SUMF2: variants seen among roughly 807,000 people sequenced by gnomAD.
SUMF2 encodes sulfatase modifying factor 2.
Under a neutral mutation model 44.8 loss-of-function variants are expected in SUMF2, and 45 were observed. That is an observed-to-expected ratio of 1.00 (90% confidence interval 0.79 to 1.29). The LOEUF is 1.29. Ranked by LOEUF, SUMF2 falls within the 50% of genes most tolerant of loss-of-function variation. SUMF2 has a pLI of 0.00. For synonymous variants in SUMF2, 148 were observed against 150.4 expected (o/e 0.98, Z 0.12); for missense variants, 418 against 389.9 (o/e 1.07, Z -0.61).
chr7:56,079,109 A>G, intron 8 of SUMF2: 4 of 487,614 alleles, frequency 8.2e-6, no homozygotes, highest in Non-Finnish European at 1.1e-5. Context: ...CCTGGACTCA[A>G]GCAATCAGCC....
intron 2 of SUMF2, among the ~76,000 whole-genome samples, chr7:56,069,375 T>C (rs1413653654): frequency 2.0e-5 from 3 of 151,742 alleles, no homozygotes; most frequent in Non-Finnish European, 4.4e-5. Flanking sequence ...GAGGCCGAGG[T>C]GGGAGGATTG....
downstream of SUMF2, among the ~76,000 whole-genome samples, chr7:56,082,527 A>G (rs1796056613): frequency 6.6e-6 from 1 of 151,860 alleles, no homozygotes; most frequent in African/African-American, 2.4e-5. Flanking sequence ...TGGGAGGTGG[A>G]GTTTGCAGTG....
chr7:56,083,186 A>AAT, downstream of SUMF2: 1 of 1,109,054 alleles, frequency 9.0e-7, no homozygotes, highest in Non-Finnish European at 1.3e-6. Flanking sequence ...GGGAACAATT[A>AAT]AGTTAGGGGA....
At chr7:56,064,552 CTTG>C (rs1023086879) in intron 1 of SUMF2, among the ~76,000 whole-genome samples, 174 bp downstream of exon 1, 3 of 152,086 alleles carry the variant, frequency 2.0e-5, no homozygotes, top group Admixed American at 6.6e-5. Flanking sequence ...TTTTCAACTT[CTTG>C]TTGTGGAATC....
chr7:56,074,865 G>T, intron 5 of SUMF2, 129 bp downstream of exon 5: 1 of 1,209,998 alleles, frequency 8.3e-7, no homozygotes, highest in Admixed American at 2.3e-5. Context: ...TGGGAGGCTG[G>T]GGCAGGAGGA....
chr7:56,068,786 T>C, intron 2 of SUMF2, 148 bp downstream of exon 2: 1 of 865,698 alleles, frequency 1.2e-6, no homozygotes, highest in African/African-American at 1.8e-5. Context: ...CACTGCAACC[T>C]CCACCTCCCG....
intron 6 of SUMF2, 54 bp from the exon 7 acceptor site, chr7:56,078,048 A>C (rs1795682166): frequency 6.7e-7 from 1 of 1,501,714 alleles, no homozygotes; most frequent in Non-Finnish European, 9.2e-7. Context: ...GATAGGCATG[A>C]GGACCTGCTT....
At chr7:56,083,617 AG>A, downstream of SUMF2, 1 of 1,557,334 alleles carries the variant, frequency 6.4e-7, no homozygotes, top group Non-Finnish European at 8.8e-7. Flanking sequence ...GCCACGTGGG[AG>A]GGAGCGGAGA....
chr7:56,078,959 C>T (rs1232724712), intron 8 of SUMF2: 1 of 585,040 alleles, frequency 1.7e-6, no homozygotes, highest in Admixed American at 2.6e-5. Flanking sequence ...TGCAGTGGCA[C>T]AGTCTCAGCT....
At position 56,076,734 on chromosome 7, in the gene SUMF2, C is replaced by T. The variant is rs1795577028; in HGVS notation, c.536-100C>T. ...TCATTCACTCTTTTTTCTCATCACCCTCTAACTTCCTTTTGATTCCCTCAC... is the reference window on the plus strand; with the variant it reads ...TCATTCACTCTTTTTTCTCATCACCTTCTAACTTCCTTTTGATTCCCTCAC... On this transcript the variant is annotated intron_variant, in intron 5 of 8. Transcript: ENST00000434526. 1.1e-5 allele frequency: 12 copies of T among 1,131,908 alleles called. No homozygotes were observed. The Middle Eastern group carries it at 6.1e-4, about 58-fold the overall frequency. The allele number at this position is 1,131,908 out of a possible 1,614,324, so 70.1% of individuals were successfully genotyped here.
Position 56,078,182 on chromosome 7 carries a change from C to CTACG in SUMF2, c.673_676dup (p.Gly226ValfsTer5). On this transcript the variant is annotated frameshift_variant, in exon 7 of 9. Coordinates refer to ENST00000434526, the MANE Select transcript of SUMF2 (RefSeq NM_015411.4). LOFTEE classifies it high-confidence loss of function. ...TGAATGCTTTCCCCGCCCAGAACAA[C>CTACG]TACGGTAAGAGCTGTCTTGGGCTTG... is the stretch of plus-strand genomic sequence containing the variant. The CTACG allele has an allele frequency of 6.2e-7, 1 of 1,611,206 alleles. No homozygotes were observed. The highest frequency in any genetic ancestry group is 2.2e-5 in the East Asian group (1 of 44,750).
At chr7:56,083,266 A>G (rs758003422), downstream of SUMF2, 10 of 1,613,546 alleles carry the variant, frequency 6.2e-6, no homozygotes, top group Middle Eastern at 1.7e-4. Context: ...GGCCAAGGCC[A>G]TGTTACCAGA....
At chr7:56,073,229 G>T in intron 3 of SUMF2, 118 bp downstream of exon 3, 1 of 791,414 alleles carries the variant, frequency 1.3e-6, no homozygotes. Flanking sequence ...TGGAGGCAGA[G>T]GGGAAGCAAG....
chr7:56,064,493 AG>A, intron 1 of SUMF2, 115 bp downstream of exon 1: 1 of 1,401,616 alleles, frequency 7.1e-7, no homozygotes, highest in African/African-American at 1.5e-5. Flanking sequence ...CTGCAGCGGC[AG>A]GCTGGGGAGG....
chr7:56,083,379 C>T (rs766046891), downstream of SUMF2: 25 of 1,613,988 alleles, frequency 1.5e-5, no homozygotes, highest in African/African-American at 9.3e-5. Context: ...CTTCAGGTCC[C>T]GGTGCACGAT....
rs562613593 is a variant in SUMF2 at position 56,076,217 on chromosome 7, G to A, written c.536-617G>A. On this transcript the variant is annotated intron_variant, in intron 5 of 8. Coordinates refer to ENST00000434526, the MANE Select transcript of SUMF2 (RefSeq NM_015411.4). ...AATTTTTTGTATTTTTAGTAGAGAC[G>A]GGGTTTCACCGTGTTAGCCAGGATG... is the stretch of plus-strand genomic sequence containing the variant. 2.2e-3 allele frequency among the ~76,000 whole-genome samples: 334 copies of A among 152,138 alleles called. 2 individuals carry two copies. The highest frequency in any genetic ancestry group is 7.5e-3 in the African/African-American group (312 of 41,506).
chr7:56,076,887 C>T lies in SUMF2; in HGVS notation c.589C>T (p.Gln197Ter). ...CCAGCCAAACCGCACCAACCTGTGG[C>T]AGGTAAGACCTACGTTCCTCCTTTC... ...WFQPNRTNLW[Q>*]GKFPKGDKAE... is the part of the protein sequence containing the mutation. Residue 197 changes from glutamine to a stop codon, truncating the protein, a stop_gained and splice_region_variant, in exon 6 of 9, where the codon CAG becomes TAG. Transcript: ENST00000434526. LOFTEE classifies it high-confidence loss of function. 6.2e-7 allele frequency: 1 copy of T among 1,605,998 alleles called. No individual in the cohort carries two copies. The highest frequency in any genetic ancestry group is 1.1e-5 in the South Asian group (1 of 89,338).
At position 56,064,837 on chromosome 7, in the gene SUMF2, CGTG is replaced by C. The variant is rs1794645392; in HGVS notation, c.67+460_67+462del. Among the ~76,000 whole-genome samples the C allele has an allele frequency of 2.3e-5, 3 of 128,264 alleles. No homozygotes were observed. In the Admixed American group the frequency reaches 2.8e-4, roughly 12 times the overall value. The allele number at this position is 128,264 out of a possible 152,430, so 84.1% of individuals were successfully genotyped here. A position where few individuals can be genotyped will look rare whatever the true frequency, so the allele number is the denominator to read the frequency against. On this transcript the variant is annotated intron_variant, in intron 1 of 8. Transcript: ENST00000434526. ...GGCGGAGGTTGCAGTGAGCCGAGAT[CGTG>C]CCATTGCATTCCAGCCTGGGCGACA... is the stretch of plus-strand genomic sequence containing the variant.
downstream of SUMF2, among the ~76,000 whole-genome samples, chr7:56,085,301 T>C (rs756321301): frequency 3.3e-5 from 5 of 152,132 alleles, no homozygotes; most frequent in Non-Finnish European, 7.3e-5. Context: ...TCTCACTTTG[T>C]TGCCCAGGCT....
Sources: gnomAD v4.1 joint callset for allele counts (sites outside exome capture counted in the v4.1 genomes callset) on GRCh38, gnomAD v4.1.1 for gene constraint, MANE v1.5 for transcripts, NCBI Gene and HGNC (gene_info 2026-07-23, HGNC 2026-07-21) for gene names.